The following THSD7B variants were observed in gnomAD, a reference collection of about 807,000 sequenced individuals.
THSD7B encodes thrombospondin type 1 domain containing 7B.
A neutral mutation model predicts 213.6 loss-of-function variants in THSD7B; 138 were observed. The observed-to-expected ratio is 0.65, with a 90% CI of 0.56 to 0.74. THSD7B has a LOEUF of 0.74. THSD7B is among the 30% of genes least tolerant of loss of function. The probability of loss-of-function intolerance (pLI) is 0.00; values close to 1 mark genes in which losing one functional copy is unlikely to be tolerated. For missense variants in THSD7B, 1,931 were observed against 1,991.5 expected (o/e 0.97, Z 0.58); for synonymous variants, 742 against 687.0 (o/e 1.08, Z -1.25).
At chr2:136,980,303 T>TG (rs779759904) in intron 2 of THSD7B, among the ~76,000 whole-genome samples, 1 of 152,120 alleles carries the variant, frequency 6.6e-6, no homozygotes, top group Non-Finnish European at 1.5e-5. Context: ...TGCTTGGCGC[T>TG]GGGGGGAATC....
At chr2:137,510,171 A>G (rs977228435) in intron 15 of THSD7B, among the ~76,000 whole-genome samples, 3 of 151,952 alleles carry the variant, frequency 2.0e-5, no homozygotes, top group Non-Finnish European at 4.4e-5. Context: ...CTTATTTTCT[A>G]TTTCCGTCAT....
intron 27 of THSD7B, among the ~76,000 whole-genome samples, chr2:137,670,245 G>A (rs1269990324): frequency 6.6e-6 from 1 of 152,088 alleles, no homozygotes; most frequent in Admixed American, 6.5e-5. Context: ...TCTTTCTGAA[G>A]CTTAGCTCCA....
intron 14 of THSD7B, among the ~76,000 whole-genome samples, chr2:137,426,993 T>A (rs1257305253): frequency 1.3e-5 from 2 of 152,048 alleles, no homozygotes; most frequent in Non-Finnish European, 2.9e-5. Flanking sequence ...AGGATCTTAG[T>A]AGACATTTTT....
chr2:136,970,478 CAAAT>C (rs1685387967), intron 2 of THSD7B, among the ~76,000 whole-genome samples: 1 of 150,720 alleles, frequency 6.6e-6, no homozygotes, highest in Non-Finnish European at 1.5e-5. Flanking sequence ...AACAAACAAA[CAAAT>C]AAATAAATAA....
chr2:137,116,836 G>A (rs1034397384), intron 5 of THSD7B, among the ~76,000 whole-genome samples: 1 of 152,174 alleles, frequency 6.6e-6, no homozygotes, highest in Admixed American at 6.5e-5. Flanking sequence ...GTTAATTGCA[G>A]AGTGAGCAAT....
At chr2:136,904,084 A>C (rs896297788) in intron 2 of THSD7B, among the ~76,000 whole-genome samples, 2 of 152,052 alleles carry the variant, frequency 1.3e-5, no homozygotes, top group Non-Finnish European at 2.9e-5. Context: ...AGGAGGGAAG[A>C]ATAAGAGGAG....
chr2:137,317,593 G>A (rs189611000), intron 12 of THSD7B, among the ~76,000 whole-genome samples: 15 of 152,224 alleles, frequency 9.9e-5, no homozygotes, highest in East Asian at 1.9e-4. Flanking sequence ...CTCACAAAAC[G>A]TGGGCTTTAA....
chr2:137,005,814 A>T (rs866264292), intron 2 of THSD7B, among the ~76,000 whole-genome samples: 19 of 152,210 alleles, frequency 1.2e-4, no homozygotes, highest in Non-Finnish European at 1.6e-4. Context: ...TTAAAATAAA[A>T]TAAAAAATAA....
chr2:137,377,709 C>T (rs1301685958), intron 12 of THSD7B, among the ~76,000 whole-genome samples: 3 of 151,912 alleles, frequency 2.0e-5, no homozygotes, highest in African/African-American at 7.3e-5. Context: ...TCACGGCAAC[C>T]TCTGCCTCCC....
chr2:137,430,063 G>T (rs1687140551), intron 14 of THSD7B, among the ~76,000 whole-genome samples: 1 of 151,792 alleles, frequency 6.6e-6, no homozygotes, highest in African/African-American at 2.4e-5. Flanking sequence ...GGCAACATAA[G>T]GAGACCCCAT....
At chr2:137,583,234 A>G (rs1249313496) in intron 17 of THSD7B, among the ~76,000 whole-genome samples, 3 of 152,090 alleles carry the variant, frequency 2.0e-5, no homozygotes, top group Admixed American at 1.3e-4. Flanking sequence ...GATTTTGAAT[A>G]TTAGCCCTTT....
chr2:137,119,856 A>G (rs936308858), intron 5 of THSD7B, among the ~76,000 whole-genome samples: 1 of 152,188 alleles, frequency 6.6e-6, no homozygotes, highest in African/African-American at 2.4e-5. Context: ...GAGTTATGAA[A>G]TAAAGTAATT....
At chr2:137,041,464 GCC>G (rs1412349317) in intron 2 of THSD7B, among the ~76,000 whole-genome samples, 1 of 151,538 alleles carries the variant, frequency 6.6e-6, no homozygotes. Flanking sequence ...GAATGTATGT[GCC>G]CACAGAAGAA....
chr2:137,298,601 G>T (rs905034290), intron 12 of THSD7B, among the ~76,000 whole-genome samples: 6 of 152,130 alleles, frequency 3.9e-5, no homozygotes, highest in Non-Finnish European at 7.3e-5. Flanking sequence ...AAGAGGTTTC[G>T]TGGGCTGGGC....
chr2:137,202,228 A>T (rs1450667532), intron 7 of THSD7B, among the ~76,000 whole-genome samples: 3 of 152,168 alleles, frequency 2.0e-5, no homozygotes, highest in Non-Finnish European at 4.4e-5. Flanking sequence ...CCTGAATGAT[A>T]CTTCTCCAAA....
At chr2:137,469,044 T>C (rs1002780692) in intron 15 of THSD7B, among the ~76,000 whole-genome samples, 4 of 152,194 alleles carry the variant, frequency 2.6e-5, no homozygotes, top group African/African-American at 9.6e-5. Context: ...AAATGGCAAG[T>C]TCAATAAAGT....
chr2:137,615,701 T>C (rs535522526), intron 17 of THSD7B, among the ~76,000 whole-genome samples: 26 of 152,316 alleles, frequency 1.7e-4, no homozygotes, highest in Middle Eastern at 6.8e-3. Context: ...ATTTTATAAT[T>C]CCTTTTCTAT....
rs577648533 is a variant in THSD7B, at chr2:137,075,946, A to G, written c.950+18716A>G. On this transcript the variant is annotated intron_variant, in intron 3 of 27. Coordinates refer to ENST00000409968, the MANE Select transcript of THSD7B (RefSeq NM_001316349.2). Reference sequence around the variant, plus strand: ...GCTGCTGCCTGATTGTTCCTCTGGAAGTTTTGTCTCAGAGGAGTACCCGGC... The same window carrying G: ...GCTGCTGCCTGATTGTTCCTCTGGAGGTTTTGTCTCAGAGGAGTACCCGGC... Among the ~76,000 whole-genome samples the G allele has an allele frequency of 7.2e-5, 11 of 152,202 alleles. No individual in the cohort carries two copies. The South Asian group carries it at 2.3e-3, about 32-fold the overall frequency.
chr2:137,450,542 G>A (rs1014276145), intron 14 of THSD7B, among the ~76,000 whole-genome samples: 3 of 152,166 alleles, frequency 2.0e-5, no homozygotes, highest in Non-Finnish European at 2.9e-5. Flanking sequence ...AGTGAGGGGA[G>A]ATGGCTCCAT....
Sources: gnomAD v4.1 joint callset for allele counts (sites outside exome capture counted in the v4.1 genomes callset) on GRCh38, gnomAD v4.1.1 for gene constraint, MANE v1.5 for transcripts, NCBI Gene and HGNC (gene_info 2026-07-23, HGNC 2026-07-21) for gene names.